The following LNP1 variants were observed in gnomAD, a reference collection of about 807,000 sequenced individuals.
LNP1 encodes the protein leukemia NUP98 fusion partner 1.
Under a neutral mutation model 14.5 loss-of-function variants are expected in LNP1, and 12 were observed. The observed-to-expected ratio is 0.83, with a 90% CI of 0.53 to 1.34. The LOEUF (loss-of-function observed/expected upper bound fraction) is 1.34. LNP1 is among the 40% of genes most tolerant of loss of function. The probability of loss-of-function intolerance (pLI) is 0.00; values close to 1 mark genes in which losing one functional copy is unlikely to be tolerated. For synonymous variants in LNP1, 75 were observed against 71.4 expected (o/e 1.05, Z -0.26); for missense variants, 198 against 210.9 (o/e 0.94, Z 0.38).
chr3:100,401,769 AC>A lies in LNP1; in HGVS notation c.-703del, dbSNP rs1304427901. On this transcript the variant is annotated 5_prime_UTR_variant, in exon 1 of 4. An upstream open reading frame in the 5' UTR loses its in-frame stop. Transcript: ENST00000383693. ...ATAGGGGAGATAGCGATGGCAGAAG[AC>A]TAGGTGGAAATGGCACATCTAGGTT... is the stretch of plus-strand genomic sequence containing the variant. 6.6e-6 allele frequency: 1 copy of A among 152,226 alleles called. No homozygotes were observed. Among genetic ancestry groups the A allele is most frequent in the Non-Finnish European group, 1.5e-5 (1 of 68,036 alleles). 9.4% of individuals were successfully genotyped at this position (152,226 alleles called of 1,614,324 possible). A position where few individuals can be genotyped will look rare whatever the true frequency, so the allele number is the denominator to read the frequency against.
At chr3:100,454,496 A>G (rs1430091028) in intron 3 of LNP1, among the ~76,000 whole-genome samples, 1 of 152,178 alleles carries the variant, frequency 6.6e-6, no homozygotes, top group African/African-American at 2.4e-5. Flanking sequence ...GTATACTAAT[A>G]CCTAGATTTA....
intron 3 of LNP1, 70 bp from the exon 4 acceptor site, chr3:100,455,707 T>C: frequency 6.9e-7 from 1 of 1,451,022 alleles, no homozygotes; most frequent in Non-Finnish European, 9.6e-7. Flanking sequence ...CATGTCTGAT[T>C]ATTAAGAGAA....
chr3:100,449,192 A>G (rs144199662), intron 2 of LNP1, among the ~76,000 whole-genome samples: 21 of 152,348 alleles, frequency 1.4e-4, no homozygotes, highest in African/African-American at 4.6e-4. Flanking sequence ...TGGGTTTCCA[A>G]AAACGGAGAA....
At chr3:100,413,044 G>A (rs1322684415) in intron 1 of LNP1, among the ~76,000 whole-genome samples, 5 of 152,102 alleles carry the variant, frequency 3.3e-5, no homozygotes, top group Non-Finnish European at 7.4e-5. Flanking sequence ...GGTGTCAGCC[G>A]GGACACCAAT....
intron 1 of LNP1, among the ~76,000 whole-genome samples, chr3:100,428,063 A>T (rs552905613): frequency 6.6e-6 from 1 of 152,224 alleles, no homozygotes; most frequent in East Asian, 1.9e-4. Flanking sequence ...TTCTCTTGAA[A>T]TACTGGCAGG....
intron 3 of LNP1, among the ~76,000 whole-genome samples, chr3:100,453,602 A>T (rs1416962692): frequency 6.6e-6 from 1 of 151,740 alleles, no homozygotes; most frequent in Non-Finnish European, 1.5e-5. Flanking sequence ...AAAAAAAAGA[A>T]TTCCTGTTTT....
intron 1 of LNP1, among the ~76,000 whole-genome samples, chr3:100,423,832 T>A (rs1707168304): frequency 6.6e-6 from 1 of 152,148 alleles, no homozygotes; most frequent in African/African-American, 2.4e-5. Context: ...AAAGCGCAGC[T>A]CCCTTTGGTA....
intron 2 of LNP1, 116 bp downstream of exon 2, chr3:100,430,001 T>G: frequency 1.0e-6 from 1 of 997,174 alleles, no homozygotes; most frequent in South Asian, 1.7e-5. Context: ...AAACCAGTAC[T>G]TCTGAGTCTT....
intron 2 of LNP1, among the ~76,000 whole-genome samples, chr3:100,433,578 C>T (rs903295469): frequency 6.6e-6 from 1 of 152,140 alleles, no homozygotes; most frequent in Non-Finnish European, 1.5e-5. Context: ...TGGGTGTATA[C>T]CCAGTAATGG....
At chr3:100,429,211 A>G (rs1471063843) in intron 1 of LNP1, among the ~76,000 whole-genome samples, 1 of 152,220 alleles carries the variant, frequency 6.6e-6, no homozygotes, top group Non-Finnish European at 1.5e-5. Context: ...TTAGGAGAGT[A>G]TCTAGCTCCA....
intron 2 of LNP1, among the ~76,000 whole-genome samples, chr3:100,450,241 C>G (rs1019157720): frequency 2.0e-5 from 3 of 148,548 alleles, no homozygotes; most frequent in African/African-American, 7.7e-5. Context: ...CAGAAACAAA[C>G]AACAATAAAA....
intron 1 of LNP1, among the ~76,000 whole-genome samples, chr3:100,404,792 T>C (rs768088750): frequency 2.3e-5 from 1 of 43,112 alleles, no homozygotes; most frequent in Non-Finnish European, 3.6e-5. Context: ...TGTGTTATCC[T>C]TTTTTTTTTT....
chr3:100,436,620 A>G (rs984630519), intron 2 of LNP1, among the ~76,000 whole-genome samples: 1 of 151,838 alleles, frequency 6.6e-6, no homozygotes, highest in Non-Finnish European at 1.5e-5. Flanking sequence ...TTTTCTCTTT[A>G]CTTCATTGTC....
chr3:100,449,704 C>T (rs973233932), intron 2 of LNP1, among the ~76,000 whole-genome samples: 4 of 152,090 alleles, frequency 2.6e-5, no homozygotes, highest in African/African-American at 4.8e-5. Flanking sequence ...AATACAAACA[C>T]ACACACATAA....
chr3:100,453,537 A>G (rs1329990239), intron 3 of LNP1, among the ~76,000 whole-genome samples: 2 of 150,046 alleles, frequency 1.3e-5, no homozygotes, highest in Non-Finnish European at 3.0e-5. Flanking sequence ...GCCGTCAGCT[A>G]TGATTGGGCC....
intron 2 of LNP1, among the ~76,000 whole-genome samples, chr3:100,445,339 C>T (rs888341002): frequency 1.3e-5 from 2 of 152,186 alleles, no homozygotes; most frequent in East Asian, 1.9e-4. Context: ...CACACACCCA[C>T]CTCTTCCTTG....
chr3:100,450,942 T>A (rs1334804256), intron 2 of LNP1, among the ~76,000 whole-genome samples: 1 of 152,130 alleles, frequency 6.6e-6, no homozygotes, highest in East Asian at 1.9e-4. Context: ...AAACTTTAGA[T>A]CTTGACCAAA....
chr3:100,450,629 G>T (rs1395326217), intron 2 of LNP1, among the ~76,000 whole-genome samples: 2 of 152,114 alleles, frequency 1.3e-5, no homozygotes, highest in African/African-American at 2.4e-5. Flanking sequence ...GAGCCACCAC[G>T]CCTGGCCTGG....
At chr3:100,415,581 A>G (rs1471645032) in intron 1 of LNP1, among the ~76,000 whole-genome samples, 1 of 152,220 alleles carries the variant, frequency 6.6e-6, no homozygotes, top group Non-Finnish European at 1.5e-5. Context: ...TTCCTTTTCT[A>G]AACTGTTAGT....
Sources: allele counts gnomAD v4.1 joint callset (sites outside exome capture counted in the v4.1 genomes callset), GRCh38; gene constraint gnomAD v4.1.1; transcripts MANE v1.5; gene names NCBI Gene and HGNC (gene_info 2026-07-23, HGNC 2026-07-21).